The following OCA2 variants were observed in gnomAD, a reference collection of about 807,000 sequenced individuals.
OCA2 encodes the protein P protein.
OCA2 carries 77 observed loss-of-function variants against 100.2 expected under a neutral mutation model. The observed-to-expected ratio is 0.77, with a 90% CI of 0.64 to 0.93. OCA2 has a LOEUF of 0.93. Among genes scored for constraint, OCA2 ranks in the 40% least tolerant of loss-of-function variants. OCA2 has a pLI of 0.00. For missense variants in OCA2, 1,062 were observed against 1,089.1 expected (o/e 0.98, Z 0.35); for synonymous variants, 432 against 439.2 (o/e 0.98, Z 0.21).
At chr15:27,930,660 A>ATGTTTTTTTTTTTTAAT (rs1352906139) in intron 18 of OCA2, among the ~76,000 whole-genome samples, 1 of 109,400 alleles carries the variant, frequency 9.1e-6, no homozygotes, top group Non-Finnish European at 2.1e-5. Flanking sequence ...CCAACTCTTA[A>ATGTTTTTTTTTTTTAAT]TCTACAGTGA....
At chr15:27,856,920 T>C (rs931926774) in intron 21 of OCA2, among the ~76,000 whole-genome samples, 3 of 152,214 alleles carry the variant, frequency 2.0e-5, no homozygotes, top group Admixed American at 6.5e-5. Flanking sequence ...ATTAGATCTC[T>C]AGTATTACCA....
At chr15:27,913,719 T>C (rs1221154876) in intron 19 of OCA2, among the ~76,000 whole-genome samples, 1 of 150,360 alleles carries the variant, frequency 6.7e-6, no homozygotes, top group African/African-American at 2.5e-5. Context: ...AAAGATGAGC[T>C]GGTACCATTC....
chr15:28,033,665 G>T (rs2042971000), intron 2 of OCA2, among the ~76,000 whole-genome samples: 1 of 152,214 alleles, frequency 6.6e-6, no homozygotes, highest in Non-Finnish European at 1.5e-5. Context: ...AGCAGGGCAG[G>T]AGAGAGAATT....
the OCA2 span, among the ~76,000 whole-genome samples, chr15:27,730,441 G>A: frequency 2.6e-4 from 39 of 152,214 alleles, no homozygotes; most frequent in South Asian, 2.3e-3. Context: ...TGCAAACCCC[G>A]TTGTTTAAGG....
At chr15:27,843,426 T>A (rs2035415918) in intron 23 of OCA2, among the ~76,000 whole-genome samples, 1 of 152,226 alleles carries the variant, frequency 6.6e-6, no homozygotes, top group African/African-American at 2.4e-5. Context: ...TAGGCCACCC[T>A]GCAAAGGCCA....
At chr15:28,095,048 T>C (rs2044947114) in intron 1 of OCA2, among the ~76,000 whole-genome samples, 1 of 152,244 alleles carries the variant, frequency 6.6e-6, no homozygotes, top group Non-Finnish European at 1.5e-5. Flanking sequence ...CGGGTGTGAA[T>C]GAGCAGCAGC....
chr15:27,833,167 A>G (rs558694692), intron 23 of OCA2, among the ~76,000 whole-genome samples: 76 of 152,310 alleles, frequency 5.0e-4, no homozygotes, highest in African/African-American at 1.8e-3. Flanking sequence ...AGAAATGTCC[A>G]TCTGTGTCAG....
chr15:27,957,797 C>T lies in OCA2; in HGVS notation c.1637-62G>A, dbSNP rs902524400. 15 of 1,589,078 alleles carry T rather than the reference C, an allele frequency of 9.4e-6. No individual in the cohort carries two copies. The African/African-American group carries it at 2.0e-4, about 21-fold the overall frequency. ...GACCTCAGATATCAGCAACACCCTCCTCTGTTCCCCACACAGTCGATGCCT... is the reference window on the plus strand; with the variant it reads ...GACCTCAGATATCAGCAACACCCTCTTCTGTTCCCCACACAGTCGATGCCT... On this transcript the variant is annotated intron_variant, in intron 15 of 23. Transcript: ENST00000354638. The surrounding 1 kb of genome is among the most constrained non-coding windows in gnomAD (Gnocchi z 4.3).
intron 2 of OCA2, among the ~76,000 whole-genome samples, chr15:28,074,244 A>G (rs1011010816): frequency 5.9e-5 from 9 of 152,212 alleles, no homozygotes; most frequent in African/African-American, 2.2e-4. Flanking sequence ...GGAACAGAAT[A>G]GAGATTTCAG....
At chr15:27,792,708 G>T (rs990947295) in intron 23 of OCA2, among the ~76,000 whole-genome samples, 7 of 152,206 alleles carry the variant, frequency 4.6e-5, no homozygotes, top group Non-Finnish European at 1.0e-4. Flanking sequence ...CTGGACTGTG[G>T]TCACAGCTGT....
At chr15:27,953,095 G>A (rs1187508763) in intron 17 of OCA2, among the ~76,000 whole-genome samples, 2 of 152,192 alleles carry the variant, frequency 1.3e-5, no homozygotes, top group African/African-American at 4.8e-5. Flanking sequence ...GTCAATGTCT[G>A]TAGCTTCATG....
chr15:27,723,261 A>G, the OCA2 span, among the ~76,000 whole-genome samples: 3 of 151,690 alleles, frequency 2.0e-5, no homozygotes, highest in Admixed American at 6.6e-5. Context: ...TTTTTTCCCT[A>G]TTGTTTCCAC....
chr15:27,902,751 G>T (rs1202329276), intron 19 of OCA2, among the ~76,000 whole-genome samples: 1 of 152,220 alleles, frequency 6.6e-6, no homozygotes, highest in African/African-American at 2.4e-5. Flanking sequence ...CAGGCTGGGG[G>T]CGGGATGGCC....
chr15:27,991,766 G>A (rs779867760), intron 9 of OCA2, among the ~76,000 whole-genome samples: 1 of 152,034 alleles, frequency 6.6e-6, no homozygotes, highest in African/African-American at 2.4e-5. Flanking sequence ...AAGAACAAGC[G>A]GAAAATTAAA....
the OCA2 span, among the ~76,000 whole-genome samples, chr15:27,743,332 C>T: frequency 4.6e-5 from 7 of 152,208 alleles, no homozygotes; most frequent in Admixed American, 2.6e-4. Context: ...CACTCTGCCA[C>T]ACTCTTGAGA....
At chr15:27,813,947 A>G (rs1447965330) in intron 23 of OCA2, among the ~76,000 whole-genome samples, 1 of 152,262 alleles carries the variant, frequency 6.6e-6, no homozygotes, top group African/African-American at 2.4e-5. Flanking sequence ...TTCAGAGTAT[A>G]TGTGGTAATT....
At chr15:28,093,862 A>G (rs188992915) in intron 1 of OCA2, among the ~76,000 whole-genome samples, 135 of 152,314 alleles carry the variant, frequency 8.9e-4, no homozygotes, top group African/African-American at 3.1e-3. Flanking sequence ...CTCTGATTCC[A>G]TGACTACAAC....
rs568501579 is a variant in OCA2, at chr15:27,774,154, G to C, written c.2433-18682C>G. 1.1e-4 allele frequency among the ~76,000 whole-genome samples: 17 copies of C among 152,314 alleles called. No individual in the cohort carries two copies. The South Asian group carries it at 2.1e-3, about 19-fold the overall frequency. On this transcript the variant is annotated intron_variant, in intron 23 of 23. Coordinates refer to ENST00000354638, the MANE Select transcript of OCA2 (RefSeq NM_000275.3). ...CCCAGAACTTGTTTCCCAATAAACA[G>C]GCTTGTAGACTGTCACCAAGTCCCT...
intron 9 of OCA2, among the ~76,000 whole-genome samples, chr15:28,009,491 C>T (rs1313096377): frequency 6.6e-6 from 1 of 152,090 alleles, no homozygotes; most frequent in Non-Finnish European, 1.5e-5. Flanking sequence ...AGTTCATGAC[C>T]AGCCTGGCCA....
Sources: gnomAD v4.1 joint callset for allele counts (sites outside exome capture counted in the v4.1 genomes callset) on GRCh38, gnomAD v4.1.1 for gene constraint, Gnocchi (gnomAD v3.1) non-coding constraint, MANE v1.5 for transcripts, NCBI Gene and HGNC (gene_info 2026-07-23, HGNC 2026-07-21) for gene names.